The following MAP4 variants were observed in gnomAD, a reference collection of about 807,000 sequenced individuals.
The protein encoded by MAP4 is microtubule associated protein 4.
MAP4 carries 76 observed loss-of-function variants against 170.2 expected under a neutral mutation model. The observed-to-expected ratio is 0.45, with a 90% CI of 0.37 to 0.54. The LOEUF is 0.54. MAP4 is among the 20% of genes least tolerant of loss of function. MAP4 has a pLI of 0.00. For missense variants in MAP4, 2,506 were observed against 2,748.0 expected, an observed-to-expected ratio of 0.91 and a Z score of 1.97; for synonymous variants, 909 against 994.5, an observed-to-expected ratio of 0.91 and a Z score of 1.62.
chr3:47,973,661 C>T (rs1414369390), intron 3 of MAP4: 23 of 985,174 alleles, frequency 2.3e-5, no homozygotes, highest in South Asian at 9.4e-5. Context: ...GTGTACACAA[C>T]GGAAAGTCAT....
intron 19 of MAP4, 83 bp from the exon 20 acceptor site, chr3:47,853,435 C>T: frequency 1.0e-6 from 1 of 971,060 alleles, no homozygotes; most frequent in Non-Finnish European, 1.5e-6. Flanking sequence ...GTTTCACACA[C>T]AGCCCCCACC....
chr3:47,894,296 T>C (rs2100025620), intron 10 of MAP4, among the ~76,000 whole-genome samples: 1 of 152,134 alleles, frequency 6.6e-6, no homozygotes, highest in South Asian at 2.1e-4. Flanking sequence ...AGAAAAAATA[T>C]GATTGGCCGG....
Position 47,872,080 on chromosome 3 carries a change from A to T in MAP4, c.5778T>A (p.Ala1926=), listed in dbSNP as rs777528136. The change falls in exon 13 of 21, where the codon GCT becomes GCA. Residue 1926 remains alanine (A), a synonymous_variant. Transcript: ENST00000683076. ...TGGATGGTGAGGCCCGCTTCTCAGG[A>T]GCCTTTGCATCTGCAATGGGCTGGA... ...VKPKPIADAK[A]PEKRASPSKP... The T allele has an allele frequency of 2.5e-6, 4 of 1,612,264 alleles. No homozygotes were observed. Among genetic ancestry groups the T allele is most frequent in the Admixed American group, 1.7e-5 (1 of 59,926 alleles).
chr3:47,999,890 A>G (rs2100098211), intron 1 of MAP4, among the ~76,000 whole-genome samples: 1 of 151,844 alleles, frequency 6.6e-6, no homozygotes, highest in Non-Finnish European at 1.5e-5. Flanking sequence ...ATAGGTGAAT[A>G]GCCTAGAAAA....
At chr3:47,873,017 G>C (rs1318787463) in intron 12 of MAP4, among the ~76,000 whole-genome samples, 1 of 152,176 alleles carries the variant, frequency 6.6e-6, no homozygotes, top group Non-Finnish European at 1.5e-5. Flanking sequence ...GCAAATCACT[G>C]AGCCTCTGAG....
chr3:48,004,548 CTGAG>C (rs2100101164), intron 1 of MAP4, among the ~76,000 whole-genome samples: 1 of 152,194 alleles, frequency 6.6e-6, no homozygotes. Flanking sequence ...TAAGATTGCC[CTGAG>C]TGAGAGTCTT....
At chr3:48,005,110 C>A (rs1453049726) in intron 1 of MAP4, among the ~76,000 whole-genome samples, 2 of 152,068 alleles carry the variant, frequency 1.3e-5, no homozygotes, top group African/African-American at 4.8e-5. Context: ...GCCTGTAATC[C>A]CAATACTTTG....
chr3:47,857,355 C>A (rs2058227464), intron 18 of MAP4, 76 bp downstream of exon 18: 1 of 1,192,222 alleles, frequency 8.4e-7, no homozygotes, highest in Non-Finnish European at 1.2e-6. Flanking sequence ...CCCTTGCCAG[C>A]CAGCTGGCTG....
intron 17 of MAP4, among the ~76,000 whole-genome samples, chr3:47,858,614 T>TGTGCGCGC (rs1491506129): frequency 2.2e-5 from 3 of 138,410 alleles, no homozygotes; most frequent in African/African-American, 8.7e-5. Flanking sequence ...TGTGTGTGTG[T>TGTGCGCGC]GCGCGTTGTG....
Position 47,945,722 on chromosome 3 carries a change from A to G in MAP4, c.293-17372T>C, listed in dbSNP as rs533263993. Among the ~76,000 whole-genome samples the G allele has an allele frequency of 4.4e-4, 67 of 151,632 alleles. 1 individual carries two copies. Among genetic ancestry groups the G allele is most frequent in the Non-Finnish European group, 1.3e-4 (9 of 67,866 alleles). ...GAATATTAAAATATTATAATTTAAT[A>G]TTTTTTATTTTTTTGGAGGCAGGGT... On this transcript the variant is annotated intron_variant, in intron 3 of 20. Transcript: ENST00000683076.
chr3:48,013,707 A>AT (rs1409762938), intron 1 of MAP4, among the ~76,000 whole-genome samples: 5 of 93,216 alleles, frequency 5.4e-5, no homozygotes, highest in Non-Finnish European at 5.2e-5. Flanking sequence ...GTTGAGGTTT[A>AT]TTAAAAAAAA....
chr3:47,868,968 A>G (rs1348795329), intron 16 of MAP4, among the ~76,000 whole-genome samples: 1 of 152,230 alleles, frequency 6.6e-6, no homozygotes, highest in African/African-American at 2.4e-5. Flanking sequence ...CATTTTATCC[A>G]GCCAAAAATT....
intron 1 of MAP4, among the ~76,000 whole-genome samples, chr3:48,035,309 A>G (rs2100118272): frequency 6.6e-6 from 1 of 151,282 alleles, no homozygotes; most frequent in Non-Finnish European, 1.5e-5. Context: ...GAAAAAGGAA[A>G]AAAAAAAAAG....
intron 1 of MAP4, among the ~76,000 whole-genome samples, chr3:48,088,295 C>G (rs2154577865): frequency 6.6e-6 from 1 of 152,148 alleles, no homozygotes; most frequent in African/African-American, 2.4e-5. Context: ...TTCTCCAGAC[C>G]ACCCCTCAGC....
At chr3:48,061,670 G>A (rs1462361033) in intron 1 of MAP4, among the ~76,000 whole-genome samples, 2 of 152,160 alleles carry the variant, frequency 1.3e-5, no homozygotes, top group Non-Finnish European at 2.9e-5. Flanking sequence ...GGGATGTGAG[G>A]AGCCCCTCTG....
chr3:48,054,487 AGGTGTGGT>A (rs2100129576), intron 1 of MAP4, among the ~76,000 whole-genome samples: 1 of 151,522 alleles, frequency 6.6e-6, no homozygotes, highest in South Asian at 2.1e-4. Context: ...CTAGGATTAC[AGGTGTGGT>A]GGCGGGCGCC....
chr3:47,879,129 T>A (rs989783438), intron 10 of MAP4, among the ~76,000 whole-genome samples: 3 of 152,112 alleles, frequency 2.0e-5, no homozygotes, highest in Admixed American at 6.5e-5. Context: ...CAGAAGTCCG[T>A]TAATAGAAAA....
chr3:47,912,086 TC>T lies in MAP4; in HGVS notation c.2334del (p.Arg779AspfsTer53). The T allele has an allele frequency of 6.5e-7, 1 of 1,536,178 alleles. No homozygotes were observed. Among genetic ancestry groups the T allele is most frequent in the South Asian group, 1.2e-5 (1 of 84,056 alleles). Reference sequence around the variant, plus strand: ...CCTCCAGCCCGTGGTTGAGAATATCTCTTTTGCTTTGGTTTCTTCTTCTTTT... The same window carrying T: ...CCTCCAGCCCGTGGTTGAGAATATCTTTTTGCTTTGGTTTCTTCTTCTTTT... ...MKKKKKKPKQ[K>X]RYSQPRAGGP... On this transcript the variant is annotated frameshift_variant, in exon 9 of 21. Transcript: ENST00000683076. LOFTEE classifies it high-confidence loss of function.
At chr3:47,944,293 G>A (rs567537535) in intron 3 of MAP4, among the ~76,000 whole-genome samples, 2 of 152,162 alleles carry the variant, frequency 1.3e-5, no homozygotes, top group East Asian at 1.9e-4. Context: ...CTGGGCGAGA[G>A]AGCAAAACTC....
Sources: allele counts gnomAD v4.1 joint callset (sites outside exome capture counted in the v4.1 genomes callset), GRCh38; gene constraint gnomAD v4.1.1; transcripts MANE v1.5; gene names NCBI Gene and HGNC (gene_info 2026-07-23, HGNC 2026-07-21).